The following PRKD1 variants were observed in gnomAD, a reference collection of about 807,000 sequenced individuals.
PRKD1 encodes protein kinase D1.
PRKD1 carries 63 observed loss-of-function variants against 95.9 expected under a neutral mutation model. The observed-to-expected ratio is 0.66, with a 90% confidence interval of 0.54 to 0.81. The LOEUF is 0.81. Ranked by LOEUF, PRKD1 falls within the 30% of genes least tolerant of loss-of-function variation. The pLI, the probability that PRKD1 is intolerant of heterozygous loss-of-function variation, is 0.00. For synonymous variants in PRKD1, 425 were observed against 423.1 expected (o/e 1.00, Z -0.05); for missense variants, 1,048 against 1,165.3 (o/e 0.90, Z 1.47).
chr14:29,871,730 T>C (rs1340210792), intron 1 of PRKD1, among the ~76,000 whole-genome samples: 1 of 152,188 alleles, frequency 6.6e-6, no homozygotes, highest in Non-Finnish European at 1.5e-5. Context: ...GGTATGAGTA[T>C]GATGGTAAGT....
At chr14:29,709,248 G>GA (rs948542671) in intron 2 of PRKD1, among the ~76,000 whole-genome samples, 9 of 151,986 alleles carry the variant, frequency 5.9e-5, no homozygotes, top group African/African-American at 2.2e-4. Context: ...AAGTAAAAGG[G>GA]AAAAATAGAA....
At chr14:29,916,270 C>T (rs1215211406) in intron 1 of PRKD1, among the ~76,000 whole-genome samples, 2 of 152,194 alleles carry the variant, frequency 1.3e-5, no homozygotes, top group Non-Finnish European at 2.9e-5. Context: ...GAGGACTACT[C>T]CGCTTGTAAA....
At chr14:29,812,195 T>C (rs1890517207) in intron 1 of PRKD1, among the ~76,000 whole-genome samples, 1 of 152,188 alleles carries the variant, frequency 6.6e-6, no homozygotes. Flanking sequence ...GGGATATCTT[T>C]GTATTATGTC....
intron 1 of PRKD1, among the ~76,000 whole-genome samples, chr14:29,826,844 C>CACACACATAT (rs1323754040): frequency 7.0e-5 from 2 of 28,668 alleles, no homozygotes; most frequent in African/African-American, 2.4e-4. Context: ...TATATACACA[C>CACACACATAT]ATATATATAT....
At chr14:29,703,653 C>T (rs45620436) in intron 2 of PRKD1, among the ~76,000 whole-genome samples, 2 of 152,176 alleles carry the variant, frequency 1.3e-5, no homozygotes, top group Non-Finnish European at 2.9e-5. Context: ...ATAAGATTTA[C>T]GTGTATATCT....
intron 1 of PRKD1, among the ~76,000 whole-genome samples, chr14:29,756,874 T>C (rs1195809427): frequency 6.6e-6 from 1 of 152,240 alleles, no homozygotes; most frequent in South Asian, 2.1e-4. Flanking sequence ...CTCAACTTTA[T>C]GAAAAGGGCA....
At chr14:29,579,445 A>C (rs189624693) in intron 16 of PRKD1, among the ~76,000 whole-genome samples, 94 of 152,226 alleles carry the variant, frequency 6.2e-4, no homozygotes, top group Middle Eastern at 3.4e-3. Context: ...CCTACCAAAA[A>C]TCTTAATCAA....
chr14:29,596,369 G>T (rs983901284), intron 16 of PRKD1, among the ~76,000 whole-genome samples: 15 of 152,154 alleles, frequency 9.9e-5, no homozygotes, highest in African/African-American at 3.6e-4. Flanking sequence ...AAGACGTAGG[G>T]CTAGTACTGA....
At chr14:29,880,852 G>C (rs995232461) in intron 1 of PRKD1, among the ~76,000 whole-genome samples, 2 of 152,170 alleles carry the variant, frequency 1.3e-5, no homozygotes, top group Non-Finnish European at 2.9e-5. Context: ...CTGGATTTCG[G>C]ACTTGCATGG....
chr14:29,851,693 A>AAAT (rs1304497531), intron 1 of PRKD1, among the ~76,000 whole-genome samples: 1 of 152,218 alleles, frequency 6.6e-6, no homozygotes, highest in Non-Finnish European at 1.5e-5. Context: ...AAAGAACTAA[A>AAAT]AATAGAACTA....
At chr14:29,622,031 T>A (rs1015160037) in intron 13 of PRKD1, among the ~76,000 whole-genome samples, 3 of 152,154 alleles carry the variant, frequency 2.0e-5, no homozygotes, top group African/African-American at 7.2e-5. Context: ...GTCCCCAACC[T>A]TTTTGGCAAC....
chr14:29,671,074 G>C (rs796482961), intron 2 of PRKD1, among the ~76,000 whole-genome samples: 1 of 150,862 alleles, frequency 6.6e-6, no homozygotes, highest in Non-Finnish European at 1.5e-5. Flanking sequence ...GTAGCCAAGA[G>C]AGAAAAAAAA....
intron 1 of PRKD1, among the ~76,000 whole-genome samples, chr14:29,814,288 A>C (rs1890605213): frequency 6.6e-6 from 1 of 152,194 alleles, no homozygotes; most frequent in Admixed American, 6.5e-5. Context: ...TATGGCAACA[A>C]CACTGGGTCA....
chr14:29,786,694 T>G (rs1011453013), intron 1 of PRKD1, among the ~76,000 whole-genome samples: 17 of 152,120 alleles, frequency 1.1e-4, no homozygotes, highest in African/African-American at 4.1e-4. Flanking sequence ...TGTTCCTTTT[T>G]TGTTTCTAAT....
intron 1 of PRKD1, among the ~76,000 whole-genome samples, chr14:29,758,693 A>G (rs1887827419): frequency 6.6e-6 from 1 of 152,202 alleles, no homozygotes; most frequent in Non-Finnish European, 1.5e-5. Context: ...TTTTTCAACC[A>G]TTATTTTTAA....
intron 2 of PRKD1, among the ~76,000 whole-genome samples, chr14:29,715,916 A>C (rs554662956): frequency 4.6e-5 from 7 of 152,310 alleles, no homozygotes; most frequent in Admixed American, 3.3e-4. Context: ...TTTATATAAA[A>C]AGGCAAAAAT....
chr14:29,807,206 G>A (rs547169728), intron 1 of PRKD1, among the ~76,000 whole-genome samples: 42 of 152,116 alleles, frequency 2.8e-4, no homozygotes, highest in South Asian at 1.5e-3. Flanking sequence ...GAGCTCAGAC[G>A]GTAATGCTCA....
In PRKD1 at chr14:29,638,576, G is replaced by A. The variant is rs1880535682; in HGVS notation, c.908-10C>T. On this transcript the variant is annotated splice_polypyrimidine_tract_variant and intron_variant, in intron 5 of 17. Transcript: ENST00000331968. ...CAGTTGAATCTGCAATCTAATCCCA[G>A]TGATTTTCAAACAAAACAAAATGAG... is the stretch of plus-strand genomic sequence containing the variant. The A allele has an allele frequency of 6.2e-7, 1 of 1,613,976 alleles. No individual in the cohort carries two copies. The highest frequency in any genetic ancestry group is 1.3e-5 in the African/African-American group (1 of 74,928).
intron 1 of PRKD1, among the ~76,000 whole-genome samples, chr14:29,760,261 C>T (rs1008189707): frequency 1.1e-4 from 17 of 151,680 alleles, no homozygotes; most frequent in Admixed American, 3.3e-4. Flanking sequence ...TTCAATCCTG[C>T]TTGTACCACT....
Sources: gnomAD v4.1 joint callset for allele counts (sites outside exome capture counted in the v4.1 genomes callset) on GRCh38, gnomAD v4.1.1 for gene constraint, MANE v1.5 for transcripts, NCBI Gene and HGNC (gene_info 2026-07-23, HGNC 2026-07-21) for gene names.